BMPR1A: variants seen among roughly 807,000 people sequenced by gnomAD.
BMPR1A encodes the protein bone morphogenetic protein receptor type-1A.
A neutral mutation model predicts 66.0 loss-of-function variants in BMPR1A; 7 were observed. That is an observed-to-expected ratio of 0.11 (90% CI 0.06 to 0.20). The LOEUF (loss-of-function observed/expected upper bound fraction) is 0.20, where lower values mean the gene tolerates loss of function less well. Among genes scored for constraint, BMPR1A ranks in the 10% least tolerant of loss-of-function variants. The probability of loss-of-function intolerance (pLI) is 1.00; values close to 1 mark genes in which losing one functional copy is unlikely to be tolerated. For missense variants in BMPR1A, 408 were observed against 669.1 expected (o/e 0.61, Z 4.31); for synonymous variants, 200 against 229.7 (o/e 0.87, Z 1.17).
intron 5 of BMPR1A, among the ~76,000 whole-genome samples, chr10:86,896,923 C>CA (rs1843231242): frequency 6.6e-6 from 1 of 152,222 alleles, no homozygotes; most frequent in Non-Finnish European, 1.5e-5. Context: ...GCACAGCACT[C>CA]ACCCAAGCAC....
chr10:86,761,440 T>C (rs1450437528), intron 1 of BMPR1A, among the ~76,000 whole-genome samples: 2 of 152,230 alleles, frequency 1.3e-5, no homozygotes, highest in African/African-American at 4.8e-5. Context: ...ATGCTAGAGA[T>C]AGGGATAAAA....
chr10:86,921,043 A>G (rs1464556876), intron 10 of BMPR1A, among the ~76,000 whole-genome samples: 2 of 151,956 alleles, frequency 1.3e-5, no homozygotes. Flanking sequence ...TTATAGAGAC[A>G]GTGTTTTACC....
intron 2 of BMPR1A, among the ~76,000 whole-genome samples, chr10:86,870,059 T>A (rs973279034): frequency 6.6e-6 from 1 of 152,148 alleles, no homozygotes. Context: ...ACCACATCAG[T>A]GTATGTGGTG....
At chr10:86,793,050 CT>C (rs1841651577) in intron 1 of BMPR1A, among the ~76,000 whole-genome samples, 2 of 152,002 alleles carry the variant, frequency 1.3e-5, no homozygotes, top group Non-Finnish European at 2.9e-5. Context: ...TTAATGCAGT[CT>C]TCTCTAGCTA....
chr10:86,864,295 G>A (rs935155767), intron 2 of BMPR1A, among the ~76,000 whole-genome samples: 2 of 151,900 alleles, frequency 1.3e-5, no homozygotes, highest in African/African-American at 4.8e-5. Context: ...ACACCGACAC[G>A]ACAAAAAAAA....
chr10:86,919,364 G>A lies in BMPR1A; in HGVS notation c.1061G>A (p.Gly354Glu). Reference sequence around the variant, plus strand: ...CACACAGAAATTTATGGCACCCAAGGAAAGCCCGCAATTGCTCATCGAGAC... The same window carrying A: ...CACACAGAAATTTATGGCACCCAAGAAAAGCCCGCAATTGCTCATCGAGAC... Reference protein sequence around the residue: ...HLHTEIYGTQGKPAIAHRDLK... With the variant: ...HLHTEIYGTQEKPAIAHRDLK... Residue 354 changes from glycine (G) to glutamate (E), a missense_variant, in exon 10 of 13, where the codon GGA (glycine) becomes GAA (glutamate). By Grantham distance (98) the Gly-to-Glu change is moderately conservative (BLOSUM62 -2). Transcript: ENST00000372037. The A allele has an allele frequency of 3.7e-6, 6 of 1,613,194 alleles. No homozygotes were observed. The highest frequency in any genetic ancestry group is 5.1e-6 in the Non-Finnish European group (6 of 1,179,860).
chr10:86,798,364 A>G (rs905038973), intron 1 of BMPR1A, among the ~76,000 whole-genome samples: 1 of 152,344 alleles, frequency 6.6e-6, no homozygotes, highest in African/African-American at 2.4e-5. Flanking sequence ...TCCTTTCCAC[A>G]TTATTTGATA....
intron 1 of BMPR1A, among the ~76,000 whole-genome samples, chr10:86,808,597 T>C (rs1413684980): frequency 6.6e-6 from 1 of 152,218 alleles, no homozygotes; most frequent in African/African-American, 2.4e-5. Flanking sequence ...ACAAACCACT[T>C]GTCCTGTCTG....
At chr10:86,777,449 C>T (rs1251083260) in intron 1 of BMPR1A, among the ~76,000 whole-genome samples, 1 of 151,964 alleles carries the variant, frequency 6.6e-6, no homozygotes, top group African/African-American at 2.4e-5. Context: ...GGCATGGTGG[C>T]ATATGCCCGT....
intron 1 of BMPR1A, among the ~76,000 whole-genome samples, chr10:86,812,151 A>G (rs1183787353): frequency 6.6e-6 from 1 of 152,132 alleles, no homozygotes; most frequent in East Asian, 1.9e-4. Flanking sequence ...ACTACAAGTC[A>G]TTATACAGAG....
downstream of BMPR1A, chr10:86,931,482 C>G (rs1315275092): frequency 6.8e-6 from 1 of 147,932 alleles, no homozygotes; most frequent in East Asian, 2.1e-4. Context: ...CACTGAAAGA[C>G]CTACACTGCT....
rs1163006358 is a variant in BMPR1A at position 86,925,719 on chromosome 10, A to ATGT, written c.*2001_*2002insGTT. 6.9e-3 allele frequency: 848 copies of ATGT among 123,486 alleles called. 15 individuals are homozygous for ATGT. Among genetic ancestry groups the ATGT allele is most frequent in the Middle Eastern group, 0.028 (10 of 360 alleles). The allele number at this position is 123,486 out of a possible 1,614,324, so 7.6% of individuals were successfully genotyped here. On this transcript the variant is annotated 3_prime_UTR_variant, in exon 13 of 13. Coordinates refer to ENST00000372037, the MANE Select transcript of BMPR1A (RefSeq NM_004329.3). ...ACCATAATCTTTAAAATCATTTGTC[A>ATGT]TCTTTTTTTTTTTTTTTTTGAGACG... is the stretch of plus-strand genomic sequence containing the variant.
At chr10:86,760,702 G>A (rs147478538) in intron 1 of BMPR1A, among the ~76,000 whole-genome samples, 1 of 152,224 alleles carries the variant, frequency 6.6e-6, no homozygotes, top group African/African-American at 2.4e-5. Flanking sequence ...TAGGAGCAGC[G>A]AACCATGGAG....
intron 10 of BMPR1A, among the ~76,000 whole-genome samples, chr10:86,920,708 A>G (rs1474272418): frequency 6.6e-6 from 1 of 152,216 alleles, no homozygotes; most frequent in Non-Finnish European, 1.5e-5. Flanking sequence ...GATGGGACCC[A>G]TAAAGAAGAA....
intron 2 of BMPR1A, among the ~76,000 whole-genome samples, chr10:86,841,924 T>G (rs1437033183): frequency 6.6e-6 from 1 of 152,222 alleles, no homozygotes; most frequent in African/African-American, 2.4e-5. Context: ...GCTGAACATG[T>G]GCAGGCTCTG....
At chr10:86,910,075 G>A (rs1158029514) in intron 7 of BMPR1A, among the ~76,000 whole-genome samples, 1 of 152,174 alleles carries the variant, frequency 6.6e-6, no homozygotes, top group Non-Finnish European at 1.5e-5. Flanking sequence ...GCACACATCT[G>A]TAATCCCAGC....
At chr10:86,834,539 GT>G (rs905465289) in intron 1 of BMPR1A, among the ~76,000 whole-genome samples, 5 of 152,152 alleles carry the variant, frequency 3.3e-5, no homozygotes, top group African/African-American at 7.2e-5. Context: ...CTGTTTATAT[GT>G]TTGGTTTTAT....
intron 2 of BMPR1A, among the ~76,000 whole-genome samples, chr10:86,866,710 TATG>T (rs1197001843): frequency 1.3e-5 from 2 of 151,750 alleles, no homozygotes; most frequent in African/African-American, 4.8e-5. Flanking sequence ...TTTTCAGAGT[TATG>T]AAGATGAAAA....
chr10:86,773,616 A>C (rs77997020), intron 1 of BMPR1A, among the ~76,000 whole-genome samples: 3 of 145,426 alleles, frequency 2.1e-5, no homozygotes, highest in South Asian at 2.1e-4. Context: ...AAAAAAAAAA[A>C]ACACAACACC....
Sources: allele counts gnomAD v4.1 joint callset (sites outside exome capture counted in the v4.1 genomes callset), GRCh38; gene constraint gnomAD v4.1.1; transcripts MANE v1.5; gene names NCBI Gene and HGNC (gene_info 2026-07-23, HGNC 2026-07-21).